The following PTPRM variants were observed in gnomAD, a reference collection of about 807,000 sequenced individuals.
PTPRM encodes receptor-type tyrosine-protein phosphatase mu.
Under a neutral mutation model 186.7 loss-of-function variants are expected in PTPRM, and 47 were observed. That is an observed-to-expected ratio of 0.25 (90% CI 0.20 to 0.32). The LOEUF (loss-of-function observed/expected upper bound fraction) is 0.32, where lower values mean the gene tolerates loss of function less well. Ranked by LOEUF, PTPRM falls within the 10% of genes least tolerant of loss-of-function variation. PTPRM has a pLI of 1.00. For missense variants in PTPRM, 1,494 were observed against 1,865.0 expected (o/e 0.80, Z 3.66); for synonymous variants, 668 against 674.9 (o/e 0.99, Z 0.16).
intron 7 of PTPRM, among the ~76,000 whole-genome samples, chr18:8,067,074 A>G (rs1166140768): frequency 2.6e-5 from 4 of 152,254 alleles, no homozygotes; most frequent in African/African-American, 4.8e-5. Context: ...TTCCATTGAA[A>G]TTAAGTTAGA....
chr18:7,849,231 C>T (rs978507792), intron 2 of PTPRM, among the ~76,000 whole-genome samples: 2 of 152,162 alleles, frequency 1.3e-5, no homozygotes, highest in African/African-American at 4.8e-5. Flanking sequence ...TCTATGACTG[C>T]AGGTAAAATG....
intron 11 of PTPRM, among the ~76,000 whole-genome samples, chr18:8,111,398 G>T (rs751571458): frequency 6.6e-6 from 1 of 152,156 alleles, no homozygotes; most frequent in Non-Finnish European, 1.5e-5. Context: ...GGATCACGAT[G>T]TCAGGAGATT....
intron 14 of PTPRM, among the ~76,000 whole-genome samples, chr18:8,192,644 A>G (rs989025373): frequency 3.3e-5 from 5 of 152,184 alleles, no homozygotes; most frequent in Admixed American, 2.0e-4. Context: ...AGGATGGGGG[A>G]TGTTTTTCCT....
chr18:8,396,528 C>T (rs17491912), intron 32 of PTPRM, among the ~76,000 whole-genome samples: 34,632 of 152,110 alleles, frequency 0.23, 4,820 homozygotes, highest in Middle Eastern at 0.33. Context: ...CAGTGGTGCA[C>T]GCTGAAGGAC....
intron 7 of PTPRM, among the ~76,000 whole-genome samples, chr18:7,998,505 T>C (rs1320444139): frequency 6.6e-6 from 1 of 152,142 alleles, no homozygotes; most frequent in East Asian, 1.9e-4. Context: ...AATTAAAACA[T>C]GACACTATTA....
intron 14 of PTPRM, among the ~76,000 whole-genome samples, chr18:8,228,712 G>T (rs1006492253): frequency 6.6e-6 from 1 of 151,142 alleles, no homozygotes; most frequent in Admixed American, 6.6e-5. Flanking sequence ...AATTAGCCAG[G>T]TGTGGTGGCA....
At chr18:8,136,748 A>G (rs1161760638) in intron 13 of PTPRM, among the ~76,000 whole-genome samples, 1 of 152,110 alleles carries the variant, frequency 6.6e-6, no homozygotes, top group Admixed American at 6.6e-5. Flanking sequence ...TGAAAAATCT[A>G]GGAGGTGTTT....
intron 1 of PTPRM, among the ~76,000 whole-genome samples, chr18:7,652,279 A>G (rs1454159126): frequency 1.3e-5 from 2 of 152,212 alleles, no homozygotes; most frequent in Non-Finnish European, 2.9e-5. Flanking sequence ...ATGTAGAGAA[A>G]TAGGAACACT....
intron 1 of PTPRM, among the ~76,000 whole-genome samples, chr18:7,569,124 A>G (rs771627778): frequency 2.0e-5 from 3 of 152,312 alleles, no homozygotes; most frequent in Middle Eastern, 3.4e-3. Flanking sequence ...CATAAACAGT[A>G]AAGAGCATAT....
At chr18:7,923,646 G>T (rs142277525) in intron 4 of PTPRM, among the ~76,000 whole-genome samples, 2 of 152,200 alleles carry the variant, frequency 1.3e-5, no homozygotes, top group African/African-American at 2.4e-5. Context: ...TAGGGCTTCA[G>T]TGGGAAAATG....
intron 1 of PTPRM, among the ~76,000 whole-genome samples, chr18:7,624,674 G>C (rs2038018335): frequency 6.6e-6 from 1 of 152,132 alleles, no homozygotes; most frequent in African/African-American, 2.4e-5. Flanking sequence ...ATGGGGTTTT[G>C]CTACGTTGCT....
intron 2 of PTPRM, among the ~76,000 whole-genome samples, chr18:7,852,425 T>G (rs1345224401): frequency 6.6e-6 from 1 of 151,892 alleles, no homozygotes; most frequent in Non-Finnish European, 1.5e-5. Flanking sequence ...AAAAAATTTT[T>G]TTTAGAAAAG....
intron 14 of PTPRM, among the ~76,000 whole-genome samples, chr18:8,221,559 C>G (rs7245067): frequency 0.55 from 84,008 of 152,062 alleles, 23,825 homozygotes; most frequent in East Asian, 0.77. Context: ...GATAGAAAAA[C>G]GAAAGTGACA....
At position 8,211,275 on chromosome 18, in the gene PTPRM, T is replaced by C. The variant is rs374975422; in HGVS notation, c.2301-32783T>C. Among the ~76,000 whole-genome samples the C allele has an allele frequency of 3.2e-3, 472 of 148,422 alleles. 2 individuals carry two copies. The highest frequency in any genetic ancestry group is 5.9e-3 in the Non-Finnish European group (396 of 67,552). ...ACAGGAAGGGGTGAAATGTGGGGCA[T>C]GGGGGAGAGCCCGTCTCAGTGGCAC... On this transcript the variant is annotated intron_variant, in intron 14 of 32. Transcript: ENST00000580170.
At chr18:8,009,715 T>C (rs533384657) in intron 7 of PTPRM, among the ~76,000 whole-genome samples, 1 of 151,952 alleles carries the variant, frequency 6.6e-6, no homozygotes, top group Admixed American at 6.6e-5. Flanking sequence ...CTCAAAAAAA[T>C]AAATAAATAA....
intron 5 of PTPRM, among the ~76,000 whole-genome samples, chr18:7,940,603 CTGAG>C (rs1378168510): frequency 1.3e-5 from 2 of 151,428 alleles, no homozygotes; most frequent in Non-Finnish European, 2.9e-5. Context: ...CATGGTGGGG[CTGAG>C]TCAGCCGGCA....
At chr18:8,217,674 A>G (rs2094106338) in intron 14 of PTPRM, among the ~76,000 whole-genome samples, 1 of 152,178 alleles carries the variant, frequency 6.6e-6, no homozygotes, top group African/African-American at 2.4e-5. Context: ...AAATGACTCC[A>G]TGTCACCAAT....
In PTPRM at chr18:8,378,313, G is replaced by A; in HGVS notation, c.3511G>A (p.Gly1171Arg). The change falls in exon 27 of 33, where the codon GGG becomes AGG. Residue 1171 changes from glycine to arginine, a missense_variant. This residue lies in a region of PTPRM where 1,107 missense variants were observed against 1,350.2 expected (regional missense o/e 0.82). Transcript: ENST00000580170. ...TGCGATCCTGGAAGCCTGTCTTTGT[G>A]GGGACACCTCTGTGCCTGCTTCCCA... ...HDAILEACLC[G>R]DTSVPASQVR... is the part of the protein sequence containing the mutation. The A allele has an allele frequency of 1.2e-6, 2 of 1,612,830 alleles. No individual in the cohort carries two copies. The highest frequency in any genetic ancestry group is 1.7e-6 in the Non-Finnish European group (2 of 1,178,820).
chr18:7,713,582 G>C (rs1269667636), intron 1 of PTPRM, among the ~76,000 whole-genome samples: 11 of 151,668 alleles, frequency 7.3e-5, no homozygotes, highest in Admixed American at 7.2e-4. Context: ...TGACAAATTG[G>C]ATAAAGAGTC....
Sources: allele counts gnomAD v4.1 joint callset (sites outside exome capture counted in the v4.1 genomes callset), GRCh38; gene constraint gnomAD v4.1.1; regional missense constraint gnomAD v4.1.1; transcripts MANE v1.5; gene names NCBI Gene and HGNC (gene_info 2026-07-23, HGNC 2026-07-21).